The following IPO11 variants were observed in gnomAD, a reference collection of about 807,000 sequenced individuals.
IPO11 encodes the protein importin-11.
IPO11 carries 66 observed loss-of-function variants against 143.2 expected under a neutral mutation model. The ratio of observed to expected loss-of-function variants is 0.46; its 90% CI spans 0.38 to 0.57. IPO11 has a LOEUF of 0.57. IPO11 is among the 20% of genes least tolerant of loss of function. The pLI is 0.00. For missense variants in IPO11, 1,026 were observed against 1,141.0 expected (o/e 0.90, Z 1.45); for synonymous variants, 385 against 377.8 (o/e 1.02, Z -0.22).
At position 62,477,988 on chromosome 5, in the gene IPO11, C is replaced by T. The variant is rs548771286; in HGVS notation, c.828+1235C>T. 4.6e-4 allele frequency among the ~76,000 whole-genome samples: 70 copies of T among 152,150 alleles called. 1 individual carries two copies. The highest frequency in any genetic ancestry group is 2.4e-4 in the Non-Finnish European group (16 of 68,032). On this transcript the variant is annotated intron_variant, in intron 9 of 29. Transcript: ENST00000325324. ...ATAGAATTGAGTAACTTTGAGTCTTCATGACATCATCACTCAGCAACAATT... is the reference window on the plus strand; with the variant it reads ...ATAGAATTGAGTAACTTTGAGTCTTTATGACATCATCACTCAGCAACAATT...
At chr5:62,519,598 A>G (rs969667440) in intron 20 of IPO11, among the ~76,000 whole-genome samples, 1 of 152,128 alleles carries the variant, frequency 6.6e-6, no homozygotes. Context: ...GATTAATTTT[A>G]TTTCTTATAC....
chr5:62,613,298 C>CTTTTT (rs372608086), intron 29 of IPO11, among the ~76,000 whole-genome samples: 854 of 68,880 alleles, frequency 0.012, 15 homozygotes, highest in Middle Eastern at 0.017. Context: ...ACATGCTCTT[C>CTTTTT]TTTTTTTTTT....
At chr5:62,447,419 T>G (rs1409445952) in intron 3 of IPO11, among the ~76,000 whole-genome samples, 1 of 152,202 alleles carries the variant, frequency 6.6e-6, no homozygotes, top group Non-Finnish European at 1.5e-5. Flanking sequence ...TTATGAAATT[T>G]TTGCTCAACC....
intron 27 of IPO11, chr5:62,581,135 G>T (rs1325811839): frequency 6.4e-7 from 1 of 1,550,398 alleles, no homozygotes; most frequent in Non-Finnish European, 8.7e-7. Context: ...AGGGAAAATA[G>T]ACTTGAATAC....
chr5:62,496,499 G>C (rs1171947218), intron 16 of IPO11, among the ~76,000 whole-genome samples: 1 of 152,136 alleles, frequency 6.6e-6, no homozygotes, highest in Non-Finnish European at 1.5e-5. Flanking sequence ...TAAGAAGATT[G>C]TTCAGTAAGG....
intron 22 of IPO11, among the ~76,000 whole-genome samples, chr5:62,532,350 CGTTTGTTT>C (rs959886018): frequency 2.2e-4 from 33 of 151,646 alleles, no homozygotes; most frequent in African/African-American, 7.3e-4. Flanking sequence ...GGTGGTGGTT[CGTTTGTTT>C]GTTTGTTTGT....
chr5:62,438,757 A>C (rs1443536526), intron 2 of IPO11, among the ~76,000 whole-genome samples: 2 of 146,702 alleles, frequency 1.4e-5, no homozygotes, highest in African/African-American at 5.1e-5. Context: ...CATCTCAAAA[A>C]AAAAAGGGGG....
intron 28 of IPO11, among the ~76,000 whole-genome samples, chr5:62,598,470 C>T (rs1561380758): frequency 1.4e-3 from 6 of 4,148 alleles, no homozygotes; most frequent in Non-Finnish European, 2.3e-3. Context: ...CTCTCTCTCT[C>T]TCTCTCTCTC....
At chr5:62,443,348 CTA>C (rs1744567906) in intron 3 of IPO11, 2 of 306,462 alleles carry the variant, frequency 6.5e-6, no homozygotes, top group Admixed American at 1.0e-4. Flanking sequence ...AAATCAACAG[CTA>C]TATTATTGTT....
At chr5:62,473,691 A>T (rs1745862675) in intron 7 of IPO11, among the ~76,000 whole-genome samples, 1 of 152,154 alleles carries the variant, frequency 6.6e-6, no homozygotes, top group South Asian at 2.1e-4. Flanking sequence ...TGATGTTTAT[A>T]CACCAACATT....
chr5:62,492,783 C>G (rs921072814), intron 15 of IPO11, among the ~76,000 whole-genome samples: 1 of 152,122 alleles, frequency 6.6e-6, no homozygotes, highest in Non-Finnish European at 1.5e-5. Context: ...AGCCATCTGC[C>G]CACCTCAGCC....
intron 24 of IPO11, among the ~76,000 whole-genome samples, chr5:62,545,305 A>G (rs1007669063): frequency 2.6e-5 from 4 of 152,178 alleles, no homozygotes; most frequent in Non-Finnish European, 4.4e-5. Flanking sequence ...CACAGCTACA[A>G]CCATCTGATC....
At chr5:62,559,680 G>T (rs1456130383) in intron 26 of IPO11, among the ~76,000 whole-genome samples, 5 of 151,908 alleles carry the variant, frequency 3.3e-5, no homozygotes, top group Admixed American at 1.3e-4. Flanking sequence ...ACTTTGGGAG[G>T]CCGAGGCGGG....
At chr5:62,623,539 T>C (rs546374755) in intron 29 of IPO11, among the ~76,000 whole-genome samples, 2 of 152,210 alleles carry the variant, frequency 1.3e-5, no homozygotes, top group East Asian at 3.9e-4. Context: ...AGCAAGCTTA[T>C]TAAGAAATAC....
rs745838874 is a variant in IPO11, at chr5:62,506,235, C to G, written c.1666-6C>G. 9.3e-6 allele frequency: 14 copies of G among 1,503,518 alleles called. No homozygotes were observed. The highest frequency in any genetic ancestry group is 2.8e-6 in the Non-Finnish European group (3 of 1,088,954). 93.1% of individuals were successfully genotyped at this position (1,503,518 alleles called of 1,614,324 possible). A position where few individuals can be genotyped will look rare whatever the true frequency, so the allele number is the denominator to read the frequency against. Reference sequence around the variant, plus strand: ...CCTTTTTTATTTTCTTTCTTTTTACCTGCAGTATTTGGAAACCATGTTCAC... The same window carrying G: ...CCTTTTTTATTTTCTTTCTTTTTACGTGCAGTATTTGGAAACCATGTTCAC... On this transcript the variant is annotated splice_polypyrimidine_tract_variant and splice_region_variant and intron_variant, in intron 18 of 29. Coordinates refer to ENST00000325324, the MANE Select transcript of IPO11 (RefSeq NM_016338.5).
intron 15 of IPO11, among the ~76,000 whole-genome samples, chr5:62,492,421 C>G (rs111706015): frequency 1.1e-4 from 17 of 152,186 alleles, no homozygotes; most frequent in Non-Finnish European, 2.1e-4. Flanking sequence ...TCTGTCTCTG[C>G]CCATTTCTTC....
chr5:62,574,442 T>C (rs532292813), intron 27 of IPO11, among the ~76,000 whole-genome samples: 1 of 152,278 alleles, frequency 6.6e-6, no homozygotes, highest in East Asian at 1.9e-4. Context: ...AATTCTAATA[T>C]AGCTCAGATC....
intron 1 of IPO11, among the ~76,000 whole-genome samples, chr5:62,418,112 T>C (rs1169925083): frequency 4.0e-5 from 6 of 151,708 alleles, no homozygotes; most frequent in African/African-American, 1.5e-4. Context: ...TGCTGCAGCT[T>C]TCCGAGTAGC....
chr5:62,477,891 A>G (rs1467847982), intron 9 of IPO11, among the ~76,000 whole-genome samples: 1 of 152,232 alleles, frequency 6.6e-6, no homozygotes, highest in Non-Finnish European at 1.5e-5. Flanking sequence ...TGAAATTCAT[A>G]TTTATGATCT....
Sources: allele counts gnomAD v4.1 joint callset (sites outside exome capture counted in the v4.1 genomes callset), GRCh38; gene constraint gnomAD v4.1.1; transcripts MANE v1.5; gene names NCBI Gene and HGNC (gene_info 2026-07-23, HGNC 2026-07-21).